Variants in MSI2 observed in about 807,000 individuals in gnomAD.
MSI2 encodes RNA-binding protein Musashi homolog 2.
Under a neutral mutation model 45.6 loss-of-function variants are expected in MSI2, and 17 were observed. The ratio of observed to expected loss-of-function variants is 0.37; its 90% CI spans 0.26 to 0.56. The LOEUF (loss-of-function observed/expected upper bound fraction) is 0.56, where lower values mean the gene tolerates loss of function less well. Ranked by LOEUF, MSI2 falls within the 20% of genes least tolerant of loss-of-function variation. The pLI, the probability that MSI2 is intolerant of heterozygous loss-of-function variation, is 0.77. For synonymous variants in MSI2, 156 were observed against 158.2 expected, an observed-to-expected ratio of 0.99 and a Z score of 0.11; for missense variants, 293 against 444.2, an observed-to-expected ratio of 0.66 and a Z score of 3.06.
At chr17:57,275,473 G>C (rs1490823085) in intron 5 of MSI2, among the ~76,000 whole-genome samples, 1 of 152,238 alleles carries the variant, frequency 6.6e-6, no homozygotes, top group Non-Finnish European at 1.5e-5. Context: ...CCTGTCCTGT[G>C]AGTGGGAAGA....
intron 6 of MSI2, among the ~76,000 whole-genome samples, chr17:57,517,133 G>A (rs1333571330): frequency 6.6e-6 from 1 of 152,216 alleles, no homozygotes; most frequent in Admixed American, 6.5e-5. Flanking sequence ...AAAACAGTCG[G>A]TAGTTCAGAC....
intron 6 of MSI2, among the ~76,000 whole-genome samples, chr17:57,410,421 CA>C (rs1454745876): frequency 1.3e-5 from 2 of 152,018 alleles, no homozygotes; most frequent in Non-Finnish European, 2.9e-5. Flanking sequence ...GTTAGATGAG[CA>C]AGTGGCTGCT....
At chr17:57,353,130 C>G (rs1916152027) in intron 5 of MSI2, among the ~76,000 whole-genome samples, 1 of 152,166 alleles carries the variant, frequency 6.6e-6, no homozygotes, top group African/African-American at 2.4e-5. Flanking sequence ...CCCCAGATAG[C>G]TCCCGAAAAT....
chr17:57,426,446 G>T (rs1163683879), intron 6 of MSI2, among the ~76,000 whole-genome samples: 1 of 152,160 alleles, frequency 6.6e-6, no homozygotes, highest in Non-Finnish European at 1.5e-5. Flanking sequence ...GGCACATGGG[G>T]CAGTGCCCTA....
intron 5 of MSI2, among the ~76,000 whole-genome samples, chr17:57,293,527 G>C (rs945622582): frequency 2.6e-5 from 4 of 151,546 alleles, no homozygotes. Context: ...TCAAGTATCT[G>C]ATCATAATTT....
the MSI2 span, among the ~76,000 whole-genome samples, chr17:57,691,122 G>A: frequency 6.6e-6 from 1 of 152,106 alleles, no homozygotes; most frequent in East Asian, 1.9e-4. Flanking sequence ...GACTATTTGT[G>A]TGGGTCTTTC....
At chr17:57,521,206 G>C (rs1301094089) in intron 6 of MSI2, among the ~76,000 whole-genome samples, 2 of 152,182 alleles carry the variant, frequency 1.3e-5, no homozygotes, top group Non-Finnish European at 2.9e-5. Context: ...AGGAGGCCAA[G>C]AACCTGAGAT....
At chr17:57,432,136 T>G (rs2084607755) in intron 6 of MSI2, among the ~76,000 whole-genome samples, 1 of 152,194 alleles carries the variant, frequency 6.6e-6, no homozygotes, top group Admixed American at 6.5e-5. Flanking sequence ...GCTGTCTTAA[T>G]TGAATTATTG....
At chr17:57,651,625 G>A (rs1056399201) in intron 10 of MSI2, among the ~76,000 whole-genome samples, 3 of 152,300 alleles carry the variant, frequency 2.0e-5, no homozygotes, top group African/African-American at 4.8e-5. Context: ...GCCAGCTCCC[G>A]GCCAAGGTGC....
At chr17:57,406,214 A>G (rs73327240) in intron 6 of MSI2, among the ~76,000 whole-genome samples, 2,004 of 152,252 alleles carry the variant, frequency 0.013, 43 homozygotes, top group African/African-American at 0.045. Flanking sequence ...TGGCAGGTAA[A>G]TGATGCTCCA....
intron 7 of MSI2, among the ~76,000 whole-genome samples, chr17:57,588,633 C>G (rs28687998): frequency 0.063 from 9,641 of 152,286 alleles, 403 homozygotes; most frequent in African/African-American, 0.11. Context: ...AAATCACATA[C>G]TTCAGGGTGC....
chr17:57,506,176 C>T (rs1246168348), intron 6 of MSI2, among the ~76,000 whole-genome samples: 1 of 152,234 alleles, frequency 6.6e-6, no homozygotes, highest in African/African-American at 2.4e-5. Context: ...CTGTCCAGGG[C>T]AGGACCCTGA....
chr17:57,649,165 T>A (rs1205371258), intron 10 of MSI2, among the ~76,000 whole-genome samples: 6 of 151,974 alleles, frequency 3.9e-5, no homozygotes, highest in African/African-American at 1.2e-4. Context: ...AACACACACA[T>A]CTACATATAC....
chr17:57,481,825 A>G (rs1020107017), intron 6 of MSI2, among the ~76,000 whole-genome samples: 4 of 152,228 alleles, frequency 2.6e-5, no homozygotes, highest in Non-Finnish European at 5.9e-5. Context: ...TATGCTTATT[A>G]GATTCTCAAA....
chr17:57,613,658 T>C (rs1164525402), intron 8 of MSI2, among the ~76,000 whole-genome samples: 1 of 152,200 alleles, frequency 6.6e-6, no homozygotes, highest in Admixed American at 6.5e-5. Context: ...CATCAAACAA[T>C]GCTTTCATCA....
At chr17:57,471,401 C>T (rs2085435115) in intron 6 of MSI2, among the ~76,000 whole-genome samples, 1 of 150,550 alleles carries the variant, frequency 6.6e-6, no homozygotes. Context: ...AGCCATTCTC[C>T]TGCCTCAGCC....
intron 9 of MSI2, among the ~76,000 whole-genome samples, chr17:57,619,114 G>A (rs549034439): frequency 6.6e-6 from 1 of 152,296 alleles, no homozygotes; most frequent in East Asian, 1.9e-4. Context: ...CCTGTCAGTT[G>A]ACAAAGAGCA....
At chr17:57,603,627 G>A (rs1005005622) in intron 8 of MSI2, among the ~76,000 whole-genome samples, 1 of 152,230 alleles carries the variant, frequency 6.6e-6, no homozygotes, top group African/African-American at 2.4e-5. Flanking sequence ...TAAGCCAGGG[G>A]CCAGCAAATT....
At chr17:57,516,416 C>T (rs773806947) in intron 6 of MSI2, among the ~76,000 whole-genome samples, 1 of 152,134 alleles carries the variant, frequency 6.6e-6, no homozygotes, top group Non-Finnish European at 1.5e-5. Flanking sequence ...TTTGTTTGTC[C>T]ATTCCCCCTG....
Sources: gnomAD v4.1 joint callset for allele counts (sites outside exome capture counted in the v4.1 genomes callset) on GRCh38, gnomAD v4.1.1 for gene constraint, MANE v1.5 for transcripts, NCBI Gene and HGNC (gene_info 2026-07-23, HGNC 2026-07-21) for gene names.